Variants in ATRX observed in about 807,000 individuals in gnomAD.
ATRX encodes ATRX chromatin remodeler.
In ATRX, 12 loss-of-function variants were observed where a neutral mutation model predicts 172.6. That is an observed-to-expected ratio of 0.07 (90% CI 0.04 to 0.11). The LOEUF is 0.11. Among genes scored for constraint, ATRX ranks in the 10% least tolerant of loss-of-function variants. ATRX has a pLI of 1.00. For synonymous variants in ATRX, 674 were observed against 594.7 expected (o/e 1.13, Z -1.94); for missense variants, 1,368 against 1,767.4 (o/e 0.77, Z 4.05).
intron 24 of ATRX, 48 bp from the exon 25 acceptor site, chrX:77,599,628 G>C (rs2148146319): frequency 2.5e-6 from 3 of 1,202,015 alleles, no homozygotes; most frequent in Non-Finnish European, 3.4e-6. Flanking sequence ...CAGATTGTTA[G>C]AAAAGCATAG....
intron 28 of ATRX, among the ~76,000 whole-genome samples, chrX:77,572,292 T>A (rs1209962563): frequency 9.0e-6 from 1 of 111,163 alleles, no homozygotes. Context: ...AAAATGCTCA[T>A]TGGGGCATTT....
intron 22 of ATRX, among the ~76,000 whole-genome samples, chrX:77,606,177 A>G (rs1214072624): frequency 1.8e-5 from 2 of 110,574 alleles, no homozygotes; most frequent in East Asian, 5.7e-4. Flanking sequence ...GTTCATGGGT[A>G]CATGTATGGG....
chrX:77,716,321 A>T (rs1283989313), intron 2 of ATRX, among the ~76,000 whole-genome samples: 1,200 of 36,853 alleles, frequency 0.033, 6 homozygotes, highest in Middle Eastern at 0.056. Context: ...AAAAAAAAAA[A>T]AAATATATAT....
intron 22 of ATRX, among the ~76,000 whole-genome samples, chrX:77,601,464 C>T (rs2066672365): frequency 9.8e-6 from 1 of 101,754 alleles, no homozygotes; most frequent in Admixed American, 1.1e-4. Flanking sequence ...GATGAAAGAG[C>T]AAAACCTTGT....
In ATRX at chrX:77,674,878, T is replaced by C. The variant is rs782473500; in HGVS notation, c.3809+1348A>G. 3 of 111,782 alleles carry C rather than the reference T, an allele frequency of 2.7e-5. No individual in the cohort carries two copies. The South Asian group carries it at 1.1e-3, about 41-fold the overall frequency. The allele number at this position is 111,782 out of a possible 1,213,427, so 9.2% of individuals were successfully genotyped here. On this transcript the variant is annotated intron_variant, in intron 10 of 34. Transcript: ENST00000373344. ...GCCCTTATCACTCCATTCTGGAACC[T>C]ACCACCTATCCCATAAAATAAATGG...
At chrX:77,723,881 A>G (rs2073897386) in intron 1 of ATRX, among the ~76,000 whole-genome samples, 1 of 112,228 alleles carries the variant, frequency 8.9e-6, no homozygotes, top group South Asian at 3.6e-4. Context: ...TTGCAAAGTC[A>G]GCTATTTAAT....
chrX:77,765,618 T>C (rs899716585), intron 1 of ATRX, among the ~76,000 whole-genome samples: 1 of 111,974 alleles, frequency 8.9e-6, no homozygotes, highest in Non-Finnish European at 1.9e-5. Context: ...TAATTACTAA[T>C]TAGATCTATG....
At chrX:77,572,876 C>G (rs1164157538) in intron 28 of ATRX, among the ~76,000 whole-genome samples, 1 of 111,648 alleles carries the variant, frequency 9.0e-6, no homozygotes, top group African/African-American at 3.2e-5. Flanking sequence ...TAAAATGTAA[C>G]TGAAATTTCT....
intron 30 of ATRX, among the ~76,000 whole-genome samples, chrX:77,545,465 T>C (rs2064202401): frequency 9.0e-6 from 1 of 111,537 alleles, no homozygotes; most frequent in South Asian, 3.8e-4. Context: ...AAGGAAGATA[T>C]TACCAATATG....
At chrX:77,671,486 C>T in intron 10 of ATRX, among the ~76,000 whole-genome samples, 1 of 108,671 alleles carries the variant, frequency 9.2e-6, no homozygotes, top group Non-Finnish European at 1.9e-5. Context: ...TTTCAATAGG[C>T]CTGAATTATT....
chrX:77,528,180 C>T (rs1280386979), intron 30 of ATRX, among the ~76,000 whole-genome samples: 15 of 110,307 alleles, frequency 1.4e-4, no homozygotes, highest in African/African-American at 4.6e-4. Context: ...AGCTGCCTTG[C>T]CAGATTGTAG....
chrX:77,708,092 A>G (rs1333214257), intron 2 of ATRX, among the ~76,000 whole-genome samples: 2 of 112,363 alleles, frequency 1.8e-5, no homozygotes, highest in Non-Finnish European at 3.8e-5. Context: ...TACACAAGAT[A>G]AACAAAAATA....
chrX:77,771,018 C>T (rs782003211), intron 1 of ATRX, among the ~76,000 whole-genome samples: 1 of 111,922 alleles, frequency 8.9e-6, no homozygotes, highest in South Asian at 3.7e-4. Context: ...ACTCTACAGA[C>T]TTTAAAAGTA....
rs1569539183 is a variant in ATRX at position 77,683,537 on chromosome X, ACCT to A, written c.1716_1718del (p.Gly573del). ...CTTTAGCTGTAGTTTTTGATTTAAT[ACCT>A]CCTCTGTTGTCTTTTGAAGAAATAT... is the stretch of plus-strand genomic sequence containing the variant. On this transcript the variant is annotated inframe_deletion, in exon 9 of 35. Coordinates refer to ENST00000373344, the MANE Select transcript of ATRX (RefSeq NM_000489.6). 1 of 1,208,293 alleles carries A rather than the reference ACCT, an allele frequency of 8.3e-7. No homozygotes were observed. Among genetic ancestry groups the A allele is most frequent in the South Asian group, 1.8e-5 (1 of 56,778 alleles).
chrX:77,678,509 C>T (rs1267893708), intron 9 of ATRX, among the ~76,000 whole-genome samples: 2 of 112,116 alleles, frequency 1.8e-5, no homozygotes, highest in African/African-American at 3.2e-5. Flanking sequence ...TGTTTTGAGA[C>T]GGAGTCTCGC....
chrX:77,660,844 C>T lies in ATRX; in HGVS notation c.4120+2538G>A, dbSNP rs782387555. On this transcript the variant is annotated intron_variant, in intron 12 of 34. Transcript: ENST00000373344. ...CTCCACTGAATAACCTCAACTATTT[C>T]TGTGATATTGTACATACACCATGAC... 5.4e-5 allele frequency among the ~76,000 whole-genome samples: 6 copies of T among 111,181 alleles called. No homozygotes were observed. In the South Asian group the frequency reaches 2.3e-3, roughly 42 times the overall value.
In ATRX at chrX:77,554,494, C is replaced by T. The variant is rs147492767; in HGVS notation, c.6699+2957G>A. 8.6e-3 allele frequency among the ~76,000 whole-genome samples: 959 copies of T among 110,993 alleles called. 18 individuals are homozygous for T. Among genetic ancestry groups the T allele is most frequent in the African/African-American group, 0.03 (918 of 30,526 alleles). ...ACTTATAGTAAACATTATTTTAAAG[C>T]GCAATGCCTCCATTTGCCTTTCATG... On this transcript the variant is annotated intron_variant, in intron 30 of 34. Transcript: ENST00000373344.
At chrX:77,581,960 A>G (rs782302492) in intron 27 of ATRX, among the ~76,000 whole-genome samples, 10 of 112,405 alleles carry the variant, frequency 8.9e-5, no homozygotes, top group Non-Finnish European at 1.7e-4. Context: ...AAGGAAATCA[A>G]AAATTTTCTT....
chrX:77,550,756 A>G (rs1212274906), intron 30 of ATRX, among the ~76,000 whole-genome samples: 5 of 111,932 alleles, frequency 4.5e-5, no homozygotes, highest in Admixed American at 9.5e-5. Flanking sequence ...CTGATAAACA[A>G]CTTCAGCAAA....
Sources: allele counts gnomAD v4.1 joint callset (sites outside exome capture counted in the v4.1 genomes callset), GRCh38; gene constraint gnomAD v4.1.1; transcripts MANE v1.5; gene names NCBI Gene and HGNC (gene_info 2026-07-23, HGNC 2026-07-21).